The following ZMAT4 variants were observed in gnomAD, a reference collection of about 807,000 sequenced individuals.
The protein encoded by ZMAT4 is zinc finger matrin-type 4, also known as zinc finger matrin-type protein 4.
ZMAT4 carries 17 observed loss-of-function variants against 28.7 expected under a neutral mutation model. That is an observed-to-expected ratio of 0.59 (90% confidence interval 0.41 to 0.89). ZMAT4 has a LOEUF of 0.89. Among genes scored for constraint, ZMAT4 ranks in the 40% least tolerant of loss-of-function variants. The probability of loss-of-function intolerance (pLI) is 0.00; values close to 1 mark genes in which losing one functional copy is unlikely to be tolerated. For synonymous variants in ZMAT4, 117 were observed against 109.2 expected, an observed-to-expected ratio of 1.07 and a Z score of -0.44; for missense variants, 240 against 283.8, an observed-to-expected ratio of 0.85 and a Z score of 1.11.
At chr8:40,803,936 A>T (rs1055169352) in intron 2 of ZMAT4, among the ~76,000 whole-genome samples, 2 of 152,226 alleles carry the variant, frequency 1.3e-5, no homozygotes, top group African/African-American at 4.8e-5. Context: ...GACATGAAGG[A>T]AACTTAAATG....
chr8:40,826,180 C>A (rs957808309), intron 1 of ZMAT4, among the ~76,000 whole-genome samples: 1 of 152,140 alleles, frequency 6.6e-6, no homozygotes, highest in East Asian at 1.9e-4. Context: ...GTTGTAAGCA[C>A]CTAATATATC....
chr8:40,649,563 C>A lies in ZMAT4; in HGVS notation c.577+25141G>T, dbSNP rs575638857. Among the ~76,000 whole-genome samples, 4 of 152,242 alleles carry A rather than the reference C, an allele frequency of 2.6e-5. No individual in the cohort carries two copies. The East Asian group carries it at 7.7e-4, about 29-fold the overall frequency. On this transcript the variant is annotated intron_variant, in intron 5 of 6. Coordinates refer to ENST00000297737, the MANE Select transcript of ZMAT4 (RefSeq NM_024645.3). The stretch of plus-strand genomic sequence containing the variant: ...TACCGAGGAATTGAACTCAGCTCTG[C>A]ACCAAGCAGACCTAATAGACATCTA...
chr8:40,806,812 T>C (rs1199078214), intron 2 of ZMAT4, among the ~76,000 whole-genome samples: 1 of 151,958 alleles, frequency 6.6e-6, no homozygotes, highest in Non-Finnish European at 1.5e-5. Context: ...AGAATCCCCA[T>C]AGAGGAGAAA....
At chr8:40,720,862 A>G (rs988095502) in intron 3 of ZMAT4, among the ~76,000 whole-genome samples, 1 of 151,784 alleles carries the variant, frequency 6.6e-6, no homozygotes, top group Non-Finnish European at 1.5e-5. Flanking sequence ...TCCTTTTAGC[A>G]CAATCTGAGT....
At chr8:40,784,260 A>G (rs1167510088) in intron 2 of ZMAT4, among the ~76,000 whole-genome samples, 1 of 152,224 alleles carries the variant, frequency 6.6e-6, no homozygotes, top group Non-Finnish European at 1.5e-5. Flanking sequence ...ATGCAAACAT[A>G]GCACAACATG....
At chr8:40,571,438 G>A (rs1192308940) in intron 6 of ZMAT4, among the ~76,000 whole-genome samples, 2 of 152,144 alleles carry the variant, frequency 1.3e-5, no homozygotes, top group Non-Finnish European at 2.9e-5. Flanking sequence ...GTTAGAGCCT[G>A]TTTCTTCTGA....
chr8:40,667,783 T>C (rs773201394), intron 5 of ZMAT4, among the ~76,000 whole-genome samples: 11 of 150,716 alleles, frequency 7.3e-5, no homozygotes, highest in Non-Finnish European at 1.5e-4. Flanking sequence ...GATCTTCAGA[T>C]TGGTTGCTTG....
intron 1 of ZMAT4, among the ~76,000 whole-genome samples, chr8:40,850,453 C>T (rs190350154): frequency 1.3e-5 from 2 of 152,266 alleles, no homozygotes; most frequent in East Asian, 3.9e-4. Context: ...CTTCACAGGG[C>T]GGATCACTGC....
intron 5 of ZMAT4, among the ~76,000 whole-genome samples, chr8:40,671,896 C>T (rs1808686286): frequency 6.6e-6 from 1 of 151,896 alleles, no homozygotes; most frequent in Admixed American, 6.6e-5. Context: ...AAATGATTGC[C>T]ATGTTAAGAA....
At chr8:40,566,944 G>A (rs1296950914) in intron 6 of ZMAT4, among the ~76,000 whole-genome samples, 1 of 152,098 alleles carries the variant, frequency 6.6e-6, no homozygotes, top group Non-Finnish European at 1.5e-5. Context: ...CCAGAGGTCT[G>A]AAACTCATCT....
intron 1 of ZMAT4, among the ~76,000 whole-genome samples, chr8:40,827,274 G>C (rs1033338725): frequency 1.8e-4 from 27 of 152,130 alleles, no homozygotes; most frequent in African/African-American, 5.8e-4. Flanking sequence ...TGATAGTGAA[G>C]ATCACAGGGA....
intron 5 of ZMAT4, among the ~76,000 whole-genome samples, chr8:40,605,589 T>C (rs1805552788): frequency 1.3e-5 from 2 of 152,194 alleles, no homozygotes; most frequent in Admixed American, 1.3e-4. Flanking sequence ...ACTTGTATGG[T>C]GTATCTTGGA....
chr8:40,702,471 T>C (rs1467627970), intron 3 of ZMAT4, among the ~76,000 whole-genome samples: 1 of 152,250 alleles, frequency 6.6e-6, no homozygotes, highest in Admixed American at 6.5e-5. Flanking sequence ...AGAATGTTTG[T>C]GGAGTAACCT....
At position 40,613,506 on chromosome 8, in the gene ZMAT4, G is replaced by A. The variant is rs75596376; in HGVS notation, c.578-32245C>T. ...GCCTCACCTGCCCATTCAAATTGGTGAAATACACTTTGCCCTTTGTCCAAC... is the reference window on the plus strand; with the variant it reads ...GCCTCACCTGCCCATTCAAATTGGTAAAATACACTTTGCCCTTTGTCCAAC... On this transcript the variant is annotated intron_variant, in intron 5 of 6. Transcript: ENST00000297737. 7.4e-3 allele frequency among the ~76,000 whole-genome samples: 1,122 copies of A among 151,394 alleles called. 18 individuals carry two copies. The highest frequency in any genetic ancestry group is 0.026 in the African/African-American group (1,076 of 40,978).
chr8:40,860,481 A>G (rs1468686539), intron 1 of ZMAT4, among the ~76,000 whole-genome samples: 5 of 152,194 alleles, frequency 3.3e-5, no homozygotes, highest in South Asian at 2.1e-4. Context: ...ATATTGTTAC[A>G]TTGGACAACA....
chr8:40,727,019 G>T (rs1811340573), intron 3 of ZMAT4, among the ~76,000 whole-genome samples: 1 of 152,274 alleles, frequency 6.6e-6, no homozygotes, highest in Non-Finnish European at 1.5e-5. Context: ...TATTTCGGAA[G>T]GATACTTTCA....
intron 6 of ZMAT4, among the ~76,000 whole-genome samples, chr8:40,552,877 G>A (rs1157793174): frequency 6.6e-6 from 1 of 152,124 alleles, no homozygotes; most frequent in Non-Finnish European, 1.5e-5. Context: ...CGCTGTGGCT[G>A]AACTTAACTT....
chr8:40,530,718 A>G lies in ZMAT4; in HGVS notation c.*1505T>C, dbSNP rs1227828385. ...TTTGTAGGTCGGCTGTGTGCTTTCCAAAACAGCAAAATAGATTCTTCCCAT... is the reference window on the plus strand; with the variant it reads ...TTTGTAGGTCGGCTGTGTGCTTTCCGAAACAGCAAAATAGATTCTTCCCAT... On this transcript the variant is annotated 3_prime_UTR_variant, in exon 7 of 7. Transcript: ENST00000297737. 2.6e-5 allele frequency: 4 copies of G among 152,620 alleles called. No individual in the cohort carries two copies. The highest frequency in any genetic ancestry group is 2.1e-4 in the South Asian group (1 of 4,826). The allele number at this position is 152,620 out of a possible 1,614,324, so 9.5% of individuals were successfully genotyped here. A position where few individuals can be genotyped will look rare whatever the true frequency, so the allele number is the denominator to read the frequency against.
chr8:40,755,122 T>C (rs1812622618), intron 3 of ZMAT4, among the ~76,000 whole-genome samples: 2 of 152,216 alleles, frequency 1.3e-5, no homozygotes, highest in Admixed American at 1.3e-4. Flanking sequence ...TTTCAAACTT[T>C]TCTCTGAAAA....
Sources: gnomAD v4.1 joint callset for allele counts (sites outside exome capture counted in the v4.1 genomes callset) on GRCh38, gnomAD v4.1.1 for gene constraint, MANE v1.5 for transcripts, NCBI Gene and HGNC (gene_info 2026-07-23, HGNC 2026-07-21) for gene names.